Variants in NAF1 observed in about 807,000 individuals in gnomAD.
NAF1 encodes H/ACA ribonucleoprotein complex non-core subunit NAF1.
A neutral mutation model predicts 40.6 loss-of-function variants in NAF1; 11 were observed. That is an observed-to-expected ratio of 0.27 (90% confidence interval 0.17 to 0.45). The LOEUF is 0.45. Among genes scored for constraint, NAF1 ranks in the 20% least tolerant of loss-of-function variants. NAF1 has a pLI of 1.00. For missense variants in NAF1, 607 were observed against 611.1 expected (o/e 0.99, Z 0.07); for synonymous variants, 260 against 228.5 (o/e 1.14, Z -1.24).
At position 163,137,186 on chromosome 4, in the gene NAF1, G is replaced by C. The variant is rs1560790037; in HGVS notation, c.930+13C>G. 7 of 1,611,794 alleles carry C rather than the reference G, an allele frequency of 4.3e-6. No individual in the cohort carries two copies. Among genetic ancestry groups the C allele is most frequent in the Non-Finnish European group, 5.9e-6 (7 of 1,178,366 alleles). On this transcript the variant is annotated intron_variant, in intron 6 of 7. Transcript: ENST00000274054. ...TACTTTATAAAATGTTGCATAAAAA[G>C]ACTTATACTTACCTCTGGTGGTGGT...
Position 163,166,773 on chromosome 4 carries a change from G to C in NAF1, c.-46C>G, listed in dbSNP as rs751959676. 3.1e-6 allele frequency: 5 copies of C among 1,608,482 alleles called. No homozygotes were observed. The highest frequency in any genetic ancestry group is 2.2e-5 in the East Asian group (1 of 44,776). ...GTCGGCCTCAGGATTGGGGCCCCTG[G>C]ACAAGCTCACGGCTCTCTCCAGAAA... On this transcript the variant is annotated 5_prime_UTR_variant, in exon 1 of 8. Coordinates refer to ENST00000274054, the MANE Select transcript of NAF1 (RefSeq NM_138386.3).
At chr4:163,162,686 C>T (rs76403095) in intron 2 of NAF1, among the ~76,000 whole-genome samples, 2 of 152,146 alleles carry the variant, frequency 1.3e-5, no homozygotes, top group African/African-American at 4.8e-5. Flanking sequence ...CAGCACCTGG[C>T]AAATGGCAGG....
chr4:163,123,265 T>C (rs546573507), downstream of NAF1, among the ~76,000 whole-genome samples: 6 of 152,258 alleles, frequency 3.9e-5, no homozygotes, highest in African/African-American at 1.4e-4. Context: ...CACATTACCA[T>C]GGGGACAGCA....
At chr4:163,155,901 G>A (rs1339958672) in intron 2 of NAF1, among the ~76,000 whole-genome samples, 3 of 150,574 alleles carry the variant, frequency 2.0e-5, no homozygotes, top group Non-Finnish European at 4.4e-5. Context: ...AGAATTAGAT[G>A]TAAAAGGCAT....
At chr4:163,133,582 T>C (rs1730949818) in intron 6 of NAF1, 1 of 208,680 alleles carries the variant, frequency 4.8e-6, no homozygotes, top group Non-Finnish European at 9.7e-6. Context: ...AAGCAAATTA[T>C]ATATATTATC....
In NAF1 at chr4:163,129,176, T is replaced by A; in HGVS notation, c.1206A>T (p.Val402=). 6.2e-7 allele frequency: 1 copy of A among 1,613,966 alleles called. No homozygotes were observed. The highest frequency in any genetic ancestry group is 2.2e-5 in the East Asian group (1 of 44,874). The change falls in exon 8 of 8, where the codon GTA becomes GTT. Residue 402 remains valine (V), a synonymous_variant. Coordinates refer to ENST00000274054, the MANE Select transcript of NAF1 (RefSeq NM_138386.3). ...PQHFYNSEHM[V]SQETSGFPSQ... ...AAGGAAATCCTGAAGTCTCCTGAGA[T>A]ACCATATGTTCTGAGTTATAGAAAT...
downstream of NAF1, among the ~76,000 whole-genome samples, chr4:163,105,817 T>C (rs1433333596): frequency 6.6e-6 from 1 of 152,234 alleles, no homozygotes; most frequent in African/African-American, 2.4e-5. Context: ...AACATGTTTA[T>C]TTTTGCAGTG....
chr4:163,127,615 A>G (rs1265915620), downstream of NAF1, among the ~76,000 whole-genome samples: 1 of 152,178 alleles, frequency 6.6e-6, no homozygotes, highest in Non-Finnish European at 1.5e-5. Context: ...CTGTGAAGGT[A>G]ACTTCTAAAG....
At chr4:163,165,037 T>C (rs1473473847) in intron 1 of NAF1, among the ~76,000 whole-genome samples, 1 of 152,204 alleles carries the variant, frequency 6.6e-6, no homozygotes, top group Admixed American at 6.5e-5. Flanking sequence ...ACTACTTTCA[T>C]GGATAATCCC....
rs948658682 is a variant in NAF1, at chr4:163,140,454, T to C, written c.718-71A>G. The C allele has an allele frequency of 3.7e-6, 5 of 1,348,682 alleles. No homozygotes were observed. The East Asian group carries it at 1.2e-4, about 32-fold the overall frequency. The allele number at this position is 1,348,682 out of a possible 1,614,324, so 83.5% of individuals were successfully genotyped here. A position where few individuals can be genotyped will look rare whatever the true frequency, so the allele number is the denominator to read the frequency against. The stretch of plus-strand genomic sequence containing the variant: ...TTTGAAAAGTCAGCAGTGTTTTCTT[T>C]TAAAAATCCCACTGATAATTGCCAG... On this transcript the variant is annotated intron_variant, in intron 4 of 7. Transcript: ENST00000274054.
intron 2 of NAF1, among the ~76,000 whole-genome samples, chr4:163,159,994 C>T (rs1463746062): frequency 6.6e-6 from 1 of 152,156 alleles, no homozygotes; most frequent in African/African-American, 2.4e-5. Flanking sequence ...TATGACCCTA[C>T]ATTTTTAATT....
intron 2 of NAF1, among the ~76,000 whole-genome samples, chr4:163,115,418 G>C (rs1294485550): frequency 6.6e-6 from 1 of 151,474 alleles, no homozygotes; most frequent in African/African-American, 2.4e-5. Context: ...CCGTGGTCTC[G>C]ATCTCCTGAC....
At chr4:163,165,992 T>A (rs1732442996) in intron 1 of NAF1, among the ~76,000 whole-genome samples, 1 of 151,714 alleles carries the variant, frequency 6.6e-6, no homozygotes, top group South Asian at 2.1e-4. Context: ...TAAAAAAAAA[T>A]CAGATCTGAC....
intron 7 of NAF1, 142 bp from the exon 8 acceptor site, chr4:163,129,490 T>G: frequency 1.1e-6 from 1 of 937,732 alleles, no homozygotes; most frequent in Non-Finnish European, 1.5e-6. Context: ...AATGGTAAAT[T>G]TGAAATGAAC....
At chr4:163,160,534 G>GCT (rs1560807966) in intron 2 of NAF1, among the ~76,000 whole-genome samples, 1 of 152,068 alleles carries the variant, frequency 6.6e-6, no homozygotes, top group Non-Finnish European at 1.5e-5. Flanking sequence ...CGCAGAGATC[G>GCT]AACAACCCAC....
At position 163,137,612 on chromosome 4, in the gene NAF1, C is replaced by T. The variant is rs937718680; in HGVS notation, c.879-362G>A. Among the ~76,000 whole-genome samples, 5 of 152,112 alleles carry T rather than the reference C, an allele frequency of 3.3e-5. No individual in the cohort carries two copies. The South Asian group carries it at 8.3e-4, about 25-fold the overall frequency. The stretch of plus-strand genomic sequence containing the variant: ...CGCCAACTGTAGATCAGAAGTTGTT[C>T]CATGTGCGAAGGACATAAAAATGAC... On this transcript the variant is annotated intron_variant, in intron 5 of 7. Coordinates refer to ENST00000274054, the MANE Select transcript of NAF1 (RefSeq NM_138386.3).
At chr4:163,108,793 C>T (rs1265983961), downstream of NAF1, 1 of 152,132 alleles carries the variant, frequency 6.6e-6, no homozygotes, top group Non-Finnish European at 1.5e-5. Flanking sequence ...TCAGTGAATA[C>T]TCTCTGTGGG....
downstream of NAF1, chr4:163,127,072 T>G: frequency 6.4e-7 from 1 of 1,551,696 alleles, no homozygotes; most frequent in Non-Finnish European, 8.7e-7. Context: ...TTGACTGCAA[T>G]GGTCTGGATC....
chr4:163,112,055 A>G (rs1476923778), intron 2 of NAF1, among the ~76,000 whole-genome samples: 1 of 152,094 alleles, frequency 6.6e-6, no homozygotes, highest in Non-Finnish European at 1.5e-5. Flanking sequence ...AGGAATTGGG[A>G]GTCTGAGATT....
Sources: gnomAD v4.1 joint callset for allele counts (sites outside exome capture counted in the v4.1 genomes callset) on GRCh38, gnomAD v4.1.1 for gene constraint, MANE v1.5 for transcripts, NCBI Gene and HGNC (gene_info 2026-07-23, HGNC 2026-07-21) for gene names.